Variants in AGTR1 observed in about 807,000 individuals in gnomAD.
AGTR1 encodes angiotensin II receptor type 1, also known as type-1 angiotensin II receptor.
In AGTR1, 16 loss-of-function variants were observed where a neutral mutation model predicts 19.4. The ratio of observed to expected loss-of-function variants is 0.82; its 90% CI spans 0.56 to 1.25. The LOEUF (loss-of-function observed/expected upper bound fraction) is 1.25. Ranked by LOEUF, AGTR1 falls within the 50% of genes most tolerant of loss-of-function variation. The pLI is 0.00. For missense variants in AGTR1, 373 were observed against 431.9 expected (o/e 0.86, Z 1.21); for synonymous variants, 153 against 154.9 (o/e 0.99, Z 0.09).
At chr3:148,715,554 T>C (rs749156211) in intron 2 of AGTR1, among the ~76,000 whole-genome samples, 4 of 151,972 alleles carry the variant, frequency 2.6e-5, no homozygotes, top group Non-Finnish European at 5.9e-5. Context: ...ATGAGTAGAA[T>C]GAGAAAAAAA....
At chr3:148,739,126 A>G (rs1714731984) in intron 2 of AGTR1, among the ~76,000 whole-genome samples, 1 of 152,238 alleles carries the variant, frequency 6.6e-6, no homozygotes, top group Admixed American at 6.5e-5. Flanking sequence ...TGGGAGGCCA[A>G]GGCGGGTGGA....
intron 2 of AGTR1, chr3:148,730,285 C>T (rs932940909): frequency 2.5e-6 from 1 of 398,192 alleles, no homozygotes; most frequent in Non-Finnish European, 4.4e-6. Flanking sequence ...TCACTATGCT[C>T]TTCCCACTGT....
chr3:148,715,223 A>G (rs1576528281), intron 2 of AGTR1, among the ~76,000 whole-genome samples: 1 of 152,180 alleles, frequency 6.6e-6, no homozygotes, highest in South Asian at 2.1e-4. Flanking sequence ...CAATGGTAGC[A>G]TTTTCTCATA....
chr3:148,706,528 T>C (rs1712677489), intron 1 of AGTR1, among the ~76,000 whole-genome samples: 1 of 151,970 alleles, frequency 6.6e-6, no homozygotes, highest in Non-Finnish European at 1.5e-5. Flanking sequence ...TAAAAATAAA[T>C]GCTTATACAG....
intron 2 of AGTR1, among the ~76,000 whole-genome samples, chr3:148,722,250 T>C (rs1488448426): frequency 6.6e-6 from 1 of 152,216 alleles, no homozygotes; most frequent in Non-Finnish European, 1.5e-5. Context: ...TATTACACTA[T>C]TACATTAAAT....
At chr3:148,740,908 T>C in intron 2 of AGTR1, 81 bp from the exon 3 acceptor site, 1 of 1,303,548 alleles carries the variant, frequency 7.7e-7, no homozygotes, top group Non-Finnish European at 1.1e-6. Context: ...ACTACGTTTA[T>C]GACTGAGAAA....
intron 2 of AGTR1, among the ~76,000 whole-genome samples, chr3:148,710,395 A>G (rs1712915536): frequency 6.6e-6 from 1 of 152,156 alleles, no homozygotes; most frequent in Non-Finnish European, 1.5e-5. Flanking sequence ...GAAAAGAAGT[A>G]CCCACAGTTA....
rs12721250 is a variant in AGTR1 at position 148,700,529 on chromosome 3, TC to T, written c.-132+2403del. Among the ~76,000 whole-genome samples the T allele has an allele frequency of 5.8e-3, 886 of 152,312 alleles. 7 individuals carry two copies. Among genetic ancestry groups the T allele is most frequent in the African/African-American group, 0.021 (857 of 41,566 alleles). Reference sequence around the variant, plus strand: ...GGCTGCTTAATGCGAGCTCCTGCCCTCTAGCCGCATGCTTATTAGTTTACCT... The same window carrying T: ...GGCTGCTTAATGCGAGCTCCTGCCCTTAGCCGCATGCTTATTAGTTTACCT... On this transcript the variant is annotated intron_variant, in intron 1 of 2. Transcript: ENST00000349243.
chr3:148,726,974 C>G (rs1167791275), intron 2 of AGTR1, among the ~76,000 whole-genome samples: 1 of 152,168 alleles, frequency 6.6e-6, no homozygotes, highest in Non-Finnish European at 1.5e-5. Context: ...TGCTTTTCTC[C>G]TTGAACTAGC....
intron 2 of AGTR1, among the ~76,000 whole-genome samples, chr3:148,732,967 C>T (rs376690915): frequency 1.3e-5 from 2 of 151,638 alleles, no homozygotes; most frequent in African/African-American, 2.4e-5. Context: ...GTCTCGATCT[C>T]CTGACCTCGT....
intron 2 of AGTR1, among the ~76,000 whole-genome samples, chr3:148,730,662 G>A (rs1348725891): frequency 6.6e-6 from 1 of 152,182 alleles, no homozygotes; most frequent in Non-Finnish European, 1.5e-5. Context: ...TGCCTACAGG[G>A]CAGTGCTTTT....
chr3:148,720,092 T>A, intron 2 of AGTR1, among the ~76,000 whole-genome samples: 1 of 152,226 alleles, frequency 6.6e-6, no homozygotes, highest in East Asian at 1.9e-4. Context: ...TCATGGTAGT[T>A]GTGAGCATCT....
At chr3:148,718,197 C>A (rs1262269407) in intron 2 of AGTR1, among the ~76,000 whole-genome samples, 1 of 152,196 alleles carries the variant, frequency 6.6e-6, no homozygotes, top group African/African-American at 2.4e-5. Flanking sequence ...AATGTAGCCA[C>A]TTACTGAAAT....
chr3:148,718,956 T>A (rs1158859365), intron 2 of AGTR1, among the ~76,000 whole-genome samples: 2 of 152,234 alleles, frequency 1.3e-5, no homozygotes, highest in Admixed American at 1.3e-4. Flanking sequence ...TGTGCTCAGC[T>A]GTCTACTAGA....
Position 148,741,517 on chromosome 3 carries a change from T to C in AGTR1, c.482T>C (p.Leu161Ser). ...IIWLLAGLAS[L>S]PAIIHRNVFF... ...TGGCTGCTGGCAGGCTTGGCCAGTT[T>C]GCCAGCTATAATCCATCGAAATGTA... is the stretch of plus-strand genomic sequence containing the variant. Residue 161 changes from leucine to serine, a missense_variant, in exon 3 of 3, where the codon TTG (leucine) becomes TCG (serine). Physicochemically the swap from Leu to Ser is moderately radical, Grantham distance 145. Coordinates refer to ENST00000349243, the MANE Select transcript of AGTR1 (RefSeq NM_000685.5). 6.2e-7 allele frequency: 1 copy of C among 1,614,128 alleles called. No individual in the cohort carries two copies. The highest frequency in any genetic ancestry group is 8.5e-7 in the Non-Finnish European group (1 of 1,180,020).
chr3:148,713,320 A>AAT lies in AGTR1; in HGVS notation c.-48+5310_-48+5311dup, dbSNP rs3039555. Among the ~76,000 whole-genome samples, 212 of 148,216 alleles carry AAT rather than the reference A, an allele frequency of 1.4e-3. 1 individual carries two copies. The highest frequency in any genetic ancestry group is 7.0e-3 in the Admixed American group (103 of 14,746). ...CAATCCATATTGGTTGGAGGGGGGG[A>AAT]ATATATATATATATATATGTATGTC... On this transcript the variant is annotated intron_variant, in intron 2 of 2. Coordinates refer to ENST00000349243, the MANE Select transcript of AGTR1 (RefSeq NM_000685.5).
chr3:148,741,848 A>C lies in AGTR1; in HGVS notation c.813A>C (p.Ile271=), dbSNP rs564779012. ...ATGTATTGATTCAACTAGGCATCAT[A>C]CGTGACTGTAGAATTGCAGATATTG... ...FLDVLIQLGI[I]RDCRIADIVD... Residue 271 remains isoleucine (I), a synonymous_variant, in exon 3 of 3, where the codon ATA becomes ATC. Transcript: ENST00000349243. 1 of 1,614,074 alleles carries C rather than the reference A, an allele frequency of 6.2e-7. No homozygotes were observed. The highest frequency in any genetic ancestry group is 2.2e-5 in the East Asian group (1 of 44,890).
rs750178 is a variant in AGTR1 at position 148,736,102 on chromosome 3, G to A, written c.-47-4887G>A. 2.4e-3 allele frequency among the ~76,000 whole-genome samples: 363 copies of A among 152,244 alleles called. 2 individuals are homozygous for A. The highest frequency in any genetic ancestry group is 8.3e-3 in the African/African-American group (343 of 41,538). ...TAGATTGGTTTTGGCTTGCCTAAAA[G>A]CTTAAGAAGGTATTAATATTCTAAT... is the stretch of plus-strand genomic sequence containing the variant. On this transcript the variant is annotated intron_variant, in intron 2 of 2. Transcript: ENST00000349243.
chr3:148,740,645 C>G (rs945336190), intron 2 of AGTR1, among the ~76,000 whole-genome samples: 2 of 152,114 alleles, frequency 1.3e-5, no homozygotes, highest in East Asian at 3.8e-4. Flanking sequence ...TAATTTAATT[C>G]AGTAGTATTT....
Sources: allele counts gnomAD v4.1 joint callset (sites outside exome capture counted in the v4.1 genomes callset), GRCh38; gene constraint gnomAD v4.1.1; transcripts MANE v1.5; gene names NCBI Gene and HGNC (gene_info 2026-07-23, HGNC 2026-07-21).